Variants in NFKB1 observed in about 807,000 individuals in gnomAD.
NFKB1 encodes nuclear factor NF-kappa-B p105 subunit.
Under a neutral mutation model 105.1 loss-of-function variants are expected in NFKB1, and 9 were observed. The observed-to-expected ratio is 0.09, with a 90% CI of 0.05 to 0.15. The LOEUF (loss-of-function observed/expected upper bound fraction) is 0.15, where lower values mean the gene tolerates loss of function less well. Among genes scored for constraint, NFKB1 ranks in the 10% least tolerant of loss-of-function variants. The pLI, the probability that NFKB1 is intolerant of heterozygous loss-of-function variation, is 1.00. For missense variants in NFKB1, 830 were observed against 1,203.7 expected, an observed-to-expected ratio of 0.69 and a Z score of 4.59; for synonymous variants, 440 against 442.2, an observed-to-expected ratio of 1.00 and a Z score of 0.06.
At position 102,607,780 on chromosome 4, in the gene NFKB1, G is replaced by GA. The variant is rs41520150; in HGVS notation, c.2227+34dup. ...AGATGGTGATCTGGCGGTCATTAAT[G>GA]AAAAATGTTACCAGGAATGCAAACC... On this transcript the variant is annotated intron_variant, in intron 19 of 23. Coordinates refer to ENST00000226574, the MANE Select transcript of NFKB1 (RefSeq NM_003998.4). The GA allele has an allele frequency of 4.7e-4, 757 of 1,602,852 alleles. 3 individuals are homozygous for GA. The African/African-American group carries it at 8.9e-3, about 19-fold the overall frequency.
intron 3 of NFKB1, among the ~76,000 whole-genome samples, chr4:102,531,574 G>T (rs577681320): frequency 6.6e-6 from 1 of 152,076 alleles, no homozygotes; most frequent in African/African-American, 2.4e-5. Context: ...TATGGGATGC[G>T]ACATAACTCT....
Position 102,613,246 on chromosome 4 carries a change from C to T in NFKB1, c.2593-179C>T, listed in dbSNP as rs4648115. The stretch of plus-strand genomic sequence containing the variant: ...TTCCTGAGTGGTCTTTGAGCCGAAA[C>T]AGGAAACTTGATTCGAAGACTGTAT... On this transcript the variant is annotated intron_variant, in intron 22 of 23. Coordinates refer to ENST00000226574, the MANE Select transcript of NFKB1 (RefSeq NM_003998.4). 3.7e-3 allele frequency among the ~76,000 whole-genome samples: 567 copies of T among 152,260 alleles called. 3 individuals carry two copies. Among genetic ancestry groups the T allele is most frequent in the African/African-American group, 0.011 (469 of 41,536 alleles).
chr4:102,553,755 G>A (rs1722791035), intron 5 of NFKB1, among the ~76,000 whole-genome samples: 1 of 152,064 alleles, frequency 6.6e-6, no homozygotes, highest in African/African-American at 2.4e-5. Context: ...GGCCCTCCTT[G>A]GATTTACTGA....
intron 5 of NFKB1, among the ~76,000 whole-genome samples, chr4:102,565,018 G>A (rs563571694): frequency 5.3e-5 from 8 of 152,220 alleles, no homozygotes; most frequent in African/African-American, 1.9e-4. Context: ...AGAGTATCTA[G>A]GGACAGCAGT....
chr4:102,599,302 G>A (rs1726927802), intron 15 of NFKB1, among the ~76,000 whole-genome samples: 1 of 152,130 alleles, frequency 6.6e-6, no homozygotes, highest in Non-Finnish European at 1.5e-5. Flanking sequence ...AAGCAATAGT[G>A]AAACCCTGAG....
intron 15 of NFKB1, among the ~76,000 whole-genome samples, chr4:102,600,189 T>A (rs1225818196): frequency 6.6e-6 from 1 of 152,166 alleles, no homozygotes; most frequent in Non-Finnish European, 1.5e-5. Context: ...GATGTCAGGT[T>A]TGAACTGGAA....
chr4:102,590,142 C>A (rs1266322425), intron 11 of NFKB1, among the ~76,000 whole-genome samples: 2 of 152,132 alleles, frequency 1.3e-5, no homozygotes, highest in Non-Finnish European at 2.9e-5. Flanking sequence ...TCCTGGTGAC[C>A]ACTAAGGAAT....
chr4:102,595,893 A>G (rs1205002963), intron 13 of NFKB1, among the ~76,000 whole-genome samples: 2 of 152,204 alleles, frequency 1.3e-5, no homozygotes, highest in Non-Finnish European at 2.9e-5. Context: ...CTCCTTTACA[A>G]ATAAGCAAAA....
chr4:102,593,651 G>A (rs1168708423), intron 12 of NFKB1, 83 bp downstream of exon 12: 27 of 1,344,780 alleles, frequency 2.0e-5, no homozygotes, highest in Non-Finnish European at 2.1e-5. Context: ...GAGCATGTCT[G>A]TGAGTTGAGT....
intron 5 of NFKB1, among the ~76,000 whole-genome samples, chr4:102,565,530 T>C (rs948806514): frequency 6.6e-6 from 1 of 152,202 alleles, no homozygotes; most frequent in Non-Finnish European, 1.5e-5. Context: ...ATCCATTTAA[T>C]GAAGTTTATA....
At chr4:102,615,171 G>T (rs1728829444) in intron 23 of NFKB1, among the ~76,000 whole-genome samples, 1 of 152,174 alleles carries the variant, frequency 6.6e-6, no homozygotes, top group African/African-American at 2.4e-5. Context: ...AGTTCATTCA[G>T]TCATTCATTC....
chr4:102,596,848 TAAG>T (rs968183735), intron 14 of NFKB1, among the ~76,000 whole-genome samples: 118 of 152,090 alleles, frequency 7.8e-4, no homozygotes, highest in African/African-American at 2.7e-3. Context: ...TAGATCGTAC[TAAG>T]AAGACGTCTA....
chr4:102,556,356 A>T (rs1722987207), intron 5 of NFKB1, among the ~76,000 whole-genome samples: 2 of 152,194 alleles, frequency 1.3e-5, no homozygotes, highest in Admixed American at 1.3e-4. Context: ...AGACAATTCA[A>T]TCCAGGAGAC....
At chr4:102,545,792 G>A (rs1224571559) in intron 5 of NFKB1, among the ~76,000 whole-genome samples, 2 of 151,984 alleles carry the variant, frequency 1.3e-5, no homozygotes, top group African/African-American at 4.8e-5. Flanking sequence ...ATAATTCTAT[G>A]ACAGTTTCTA....
At chr4:102,540,251 T>C (rs1165778250) in intron 5 of NFKB1, among the ~76,000 whole-genome samples, 2 of 152,176 alleles carry the variant, frequency 1.3e-5, no homozygotes, top group Admixed American at 6.6e-5. Context: ...AACAAACACA[T>C]GGCATTAACT....
At position 102,593,572 on chromosome 4, in the gene NFKB1, C is replaced by T. The variant is rs1482159601; in HGVS notation, c.1210+4C>T. ...GGCACTGGAAGTACAGGTCCAGGTACAAAAATACTTATTCTTCCTAAAACT... is the reference window on the plus strand; with the variant it reads ...GGCACTGGAAGTACAGGTCCAGGTATAAAAATACTTATTCTTCCTAAAACT... On this transcript the variant is annotated splice_donor_region_variant and intron_variant, in intron 12 of 23. Coordinates refer to ENST00000226574, the MANE Select transcript of NFKB1 (RefSeq NM_003998.4). 5 of 1,606,710 alleles carry T rather than the reference C, an allele frequency of 3.1e-6. No homozygotes were observed. The highest frequency in any genetic ancestry group is 4.2e-6 in the Non-Finnish European group (5 of 1,176,986).
At chr4:102,597,438 T>C (rs1726718350) in intron 14 of NFKB1, 82 bp from the exon 15 acceptor site, 1 of 1,371,194 alleles carries the variant, frequency 7.3e-7, no homozygotes, top group African/African-American at 1.4e-5. Context: ...ACACTGATGC[T>C]GGTCAGTTTG....
rs759547612 is a variant in NFKB1, at chr4:102,612,088, A to G, written c.2397A>G (p.Thr799=). ...GGAAACCATATGAGCCAGAGTTTAC[A>G]TCTGATGATTTACTAGCACAAGGTG... ...LNGKPYEPEF[T]SDDLLAQGDM... is the part of the protein sequence containing the mutation. The change falls in exon 21 of 24, where the codon ACA becomes ACG. Residue 799 remains threonine (T), a synonymous_variant. Transcript: ENST00000226574. The G allele has an allele frequency of 1.2e-6, 2 of 1,614,128 alleles. No individual in the cohort carries two copies. The highest frequency in any genetic ancestry group is 1.7e-6 in the Non-Finnish European group (2 of 1,179,986).
intron 4 of NFKB1, among the ~76,000 whole-genome samples, chr4:102,535,461 A>G (rs1214122187): frequency 6.6e-6 from 1 of 152,196 alleles, no homozygotes; most frequent in Non-Finnish European, 1.5e-5. Flanking sequence ...TGTGTTTACC[A>G]AAGTGATGCT....
Sources: allele counts gnomAD v4.1 joint callset (sites outside exome capture counted in the v4.1 genomes callset), GRCh38; gene constraint gnomAD v4.1.1; transcripts MANE v1.5; gene names NCBI Gene and HGNC (gene_info 2026-07-23, HGNC 2026-07-21).